ASTN1: variants seen among roughly 807,000 people sequenced by gnomAD.
ASTN1 encodes the protein astrotactin 1, also known as astrotactin-1.
Under a neutral mutation model 140.7 loss-of-function variants are expected in ASTN1, and 41 were observed. That is an observed-to-expected ratio of 0.29 (90% confidence interval 0.23 to 0.38). The LOEUF is 0.38. Among genes scored for constraint, ASTN1 ranks in the 10% least tolerant of loss-of-function variants. The pLI, the probability that ASTN1 is intolerant of heterozygous loss-of-function variation, is 1.00. For synonymous variants in ASTN1, 640 were observed against 652.2 expected, an observed-to-expected ratio of 0.98 and a Z score of 0.29; for missense variants, 1,479 against 1,678.8, an observed-to-expected ratio of 0.88 and a Z score of 2.08.
chr1:177,142,116 G>T (rs184299379), intron 1 of ASTN1, among the ~76,000 whole-genome samples: 75 of 152,248 alleles, frequency 4.9e-4, no homozygotes, highest in African/African-American at 1.7e-3. Flanking sequence ...CAGCTCTAAT[G>T]ATTATGTAGA....
At chr1:176,962,052 A>G (rs760016823) in intron 9 of ASTN1, among the ~76,000 whole-genome samples, 2 of 152,200 alleles carry the variant, frequency 1.3e-5, no homozygotes, top group Non-Finnish European at 2.9e-5. Context: ...GAAACGGATC[A>G]ATTGCTCTTG....
Position 176,991,181 on chromosome 1 carries a change from G to A in ASTN1, c.1523+23610C>T, listed in dbSNP as rs1674141314. Among the ~76,000 whole-genome samples the A allele has an allele frequency of 2.0e-5, 3 of 152,120 alleles. No homozygotes were observed. In the South Asian group the frequency reaches 6.2e-4, roughly 32 times the overall value. ...CCAGCACTGTGGGAGGCTGAGGCAGGCAGATCACCTGAGGTAGGAAGTTCA... is the reference window on the plus strand; with the variant it reads ...CCAGCACTGTGGGAGGCTGAGGCAGACAGATCACCTGAGGTAGGAAGTTCA... On this transcript the variant is annotated intron_variant, in intron 8 of 22. Coordinates refer to ENST00000361833, the MANE Select transcript of ASTN1 (RefSeq NM_004319.3).
intron 6 of ASTN1, 33 bp downstream of exon 6, chr1:177,024,550 G>A: frequency 6.2e-7 from 1 of 1,605,510 alleles, no homozygotes; most frequent in Non-Finnish European, 8.5e-7. Flanking sequence ...CTTTTTGGGG[G>A]GCAAGGTCGC....
rs1673663051 is a variant in ASTN1 at position 176,982,471 on chromosome 1, T to A, written c.1524-17234A>T. Reference sequence around the variant, plus strand: ...GAATTTCTGGGCCCCACCTCAAGAATGTCTGATTCAGTAGGTCTGGGGTGG... The same window carrying A: ...GAATTTCTGGGCCCCACCTCAAGAAAGTCTGATTCAGTAGGTCTGGGGTGG... On this transcript the variant is annotated intron_variant, in intron 8 of 22. Transcript: ENST00000361833. Among the ~76,000 whole-genome samples, 3 of 152,274 alleles carry A rather than the reference T, an allele frequency of 2.0e-5. No individual in the cohort carries two copies. In the South Asian group the frequency reaches 6.2e-4, roughly 32 times the overall value.
chr1:177,089,082 A>C (rs1340175105), intron 1 of ASTN1, among the ~76,000 whole-genome samples: 1 of 152,110 alleles, frequency 6.6e-6, no homozygotes, highest in Non-Finnish European at 1.5e-5. Context: ...CAAGCAAGAG[A>C]GGACGCTGAT....
At chr1:176,870,548 A>G (rs934187644) in intron 21 of ASTN1, among the ~76,000 whole-genome samples, 2 of 152,346 alleles carry the variant, frequency 1.3e-5, no homozygotes, top group Middle Eastern at 3.4e-3. Flanking sequence ...AAGGCCAGAC[A>G]ATCTAGTAGA....
chr1:176,865,665 C>A (rs905700472), intron 22 of ASTN1, among the ~76,000 whole-genome samples: 2 of 152,228 alleles, frequency 1.3e-5, no homozygotes, highest in African/African-American at 2.4e-5. Flanking sequence ...GACTGCTAGT[C>A]TAACTCATGG....
intron 5 of ASTN1, 98 bp from the exon 6 acceptor site, chr1:177,024,830 C>G (rs1004048261): frequency 5.0e-6 from 7 of 1,391,972 alleles, no homozygotes; most frequent in Non-Finnish European, 6.9e-6. Context: ...ACAGGGGAGA[C>G]AGTTGGCAAA....
In ASTN1 at chr1:176,988,660, T is replaced by A. The variant is rs538067746; in HGVS notation, c.1524-23423A>T. 5.0e-3 allele frequency among the ~76,000 whole-genome samples: 763 copies of A among 152,298 alleles called. 5 individuals are homozygous for A. The highest frequency in any genetic ancestry group is 6.6e-3 in the Non-Finnish European group (449 of 68,020). ...AAGAAACTAAGAAATACAAACCCATTTGCCTTTCTCCACTCTTCAAAGGGA... is the reference window on the plus strand; with the variant it reads ...AAGAAACTAAGAAATACAAACCCATATGCCTTTCTCCACTCTTCAAAGGGA... On this transcript the variant is annotated intron_variant, in intron 8 of 22. Transcript: ENST00000361833.
intron 1 of ASTN1, among the ~76,000 whole-genome samples, chr1:177,071,441 C>A (rs1293500977): frequency 6.6e-6 from 1 of 152,188 alleles, no homozygotes; most frequent in African/African-American, 2.4e-5. Context: ...TAAACTGAGT[C>A]CTTCTCTGTA....
At chr1:176,943,575 T>A (rs1422849914) in intron 14 of ASTN1, among the ~76,000 whole-genome samples, 4 of 152,154 alleles carry the variant, frequency 2.6e-5, no homozygotes, top group African/African-American at 9.7e-5. Context: ...TCTCTCTGCC[T>A]CTGTGACCTG....
chr1:176,889,601 A>G (rs999409668), intron 17 of ASTN1, among the ~76,000 whole-genome samples: 1 of 152,234 alleles, frequency 6.6e-6, no homozygotes, highest in African/African-American at 2.4e-5. Flanking sequence ...TGGCCACCTT[A>G]GGTTAGAATA....
intron 6 of ASTN1, among the ~76,000 whole-genome samples, chr1:177,024,332 C>T (rs202129550): frequency 5.9e-5 from 9 of 152,074 alleles, no homozygotes; most frequent in East Asian, 3.9e-4. Context: ...AAGACAGAGA[C>T]GTATTAAAAA....
intron 1 of ASTN1, among the ~76,000 whole-genome samples, chr1:177,136,669 C>T (rs996774496): frequency 6.6e-5 from 10 of 152,074 alleles, no homozygotes; most frequent in East Asian, 5.8e-4. Context: ...TTTAGTCAGA[C>T]CTTTCTATCC....
intron 1 of ASTN1, among the ~76,000 whole-genome samples, chr1:177,070,419 A>G (rs1280645339): frequency 1.3e-5 from 2 of 152,220 alleles, no homozygotes; most frequent in Non-Finnish European, 2.9e-5. Context: ...TATAAAATGA[A>G]TGGAAAAAAG....
intron 8 of ASTN1, among the ~76,000 whole-genome samples, chr1:177,007,130 C>T (rs185637910): frequency 1.4e-4 from 21 of 152,232 alleles, no homozygotes; most frequent in Admixed American, 7.2e-4. Flanking sequence ...CGGTGGTTCA[C>T]GCTTGTAATC....
At chr1:177,022,689 C>T (rs1675891872) in intron 7 of ASTN1, among the ~76,000 whole-genome samples, 1 of 152,028 alleles carries the variant, frequency 6.6e-6, no homozygotes, top group Non-Finnish European at 1.5e-5. Flanking sequence ...TCAAATGTGT[C>T]CAGCATTTAT....
At chr1:177,148,848 G>C (rs992507457) in intron 1 of ASTN1, among the ~76,000 whole-genome samples, 2 of 151,648 alleles carry the variant, frequency 1.3e-5, no homozygotes, top group Non-Finnish European at 2.9e-5. Context: ...ACACAGAACT[G>C]TGACTGCTAT....
chr1:176,859,317 T>A (rs1667894251), downstream of ASTN1, among the ~76,000 whole-genome samples: 1 of 152,134 alleles, frequency 6.6e-6, no homozygotes. Flanking sequence ...CTCCCCTCCA[T>A]GGAGGCAGAG....
Sources: allele counts gnomAD v4.1 joint callset (sites outside exome capture counted in the v4.1 genomes callset), GRCh38; gene constraint gnomAD v4.1.1; transcripts MANE v1.5; gene names NCBI Gene and HGNC (gene_info 2026-07-23, HGNC 2026-07-21).